Variants in POLR3A observed in about 807,000 individuals in gnomAD.
The protein encoded by POLR3A is DNA-directed RNA polymerase III subunit RPC1.
Under a neutral mutation model 152.8 loss-of-function variants are expected in POLR3A, and 112 were observed. The ratio of observed to expected loss-of-function variants is 0.73; its 90% CI spans 0.63 to 0.86. The LOEUF (loss-of-function observed/expected upper bound fraction) is 0.86. POLR3A is among the 40% of genes least tolerant of loss of function. The pLI is 0.00. For missense variants in POLR3A, 1,385 were observed against 1,743.1 expected (o/e 0.79, Z 3.66); for synonymous variants, 615 against 652.1 (o/e 0.94, Z 0.87).
chr10:78,009,659 G>A lies in POLR3A; in HGVS notation c.1787C>T (p.Thr596Met), dbSNP rs756953635. 1.5e-5 allele frequency: 24 copies of A among 1,613,958 alleles called. No individual in the cohort carries two copies. Among genetic ancestry groups the A allele is most frequent in the South Asian group, 3.3e-5 (3 of 91,084 alleles). The change falls in exon 14 of 31, where the codon ACG becomes ATG. Residue 596 changes from threonine to methionine, a missense_variant. Physicochemically the swap from Thr to Met is moderately conservative, Grantham distance 81 (BLOSUM62 -1). Transcript: ENST00000372371. ...PTILKPVTLW[T>M]GKQIFSVILR... ...GATGACACTGAAGATCTGCTTTCCCGTCCACAGGGTGACAGGCTGAGGGGG... is the reference window on the plus strand; with the variant it reads ...GATGACACTGAAGATCTGCTTTCCCATCCACAGGGTGACAGGCTGAGGGGG...
At chr10:78,026,386 T>A (rs1847635048) in intron 1 of POLR3A, among the ~76,000 whole-genome samples, 157 bp from the exon 2 acceptor site, 2 of 152,212 alleles carry the variant, frequency 1.3e-5, no homozygotes, top group African/African-American at 4.8e-5. Context: ...CATTTTTCCT[T>A]CACAAACATC....
Position 78,014,724 on chromosome 10 carries a change from T to A in POLR3A, c.1432-934A>T, listed in dbSNP as rs939382660. Among the ~76,000 whole-genome samples, 31 of 151,362 alleles carry A rather than the reference T, an allele frequency of 2.0e-4. 1 individual carries two copies. The highest frequency in any genetic ancestry group is 6.8e-3 in the Middle Eastern group (2 of 292). On this transcript the variant is annotated intron_variant, in intron 10 of 30. Coordinates refer to ENST00000372371, the MANE Select transcript of POLR3A (RefSeq NM_007055.4). ...GGCCCTTTCTTTAAAAAAAAAAAAATTTTTTTTCCTAAGCACACGAACACA... is the reference window on the plus strand; with the variant it reads ...GGCCCTTTCTTTAAAAAAAAAAAAAATTTTTTTCCTAAGCACACGAACACA...
At chr10:77,986,784 A>T (rs1267555136) in intron 21 of POLR3A, among the ~76,000 whole-genome samples, 2 of 152,200 alleles carry the variant, frequency 1.3e-5, no homozygotes, top group Non-Finnish European at 2.9e-5. Flanking sequence ...CCTGGAAACC[A>T]TTGTCAAAGC....
In POLR3A at chr10:77,977,513, C is replaced by T. The variant is rs143800893; in HGVS notation, c.4138G>A (p.Asp1380Asn). Residue 1380 changes from aspartate (D) to asparagine (N), a missense_variant, in exon 31 of 31, where the codon GAC (aspartate) becomes AAC (asparagine). Around this residue, in one of 7 missense-constraint regions of POLR3A, gnomAD observed 332 missense variants for 400.1 expected, o/e 0.83. Coordinates refer to ENST00000372371, the MANE Select transcript of POLR3A (RefSeq NM_007055.4). ...AGGGGGATGTGGAATTCATTTGTGTCGAAGATCAGGGGCCTCTTGGGAGGG... is the reference window on the plus strand; with the variant it reads ...AGGGGGATGTGGAATTCATTTGTGTTGAAGATCAGGGGCCTCTTGGGAGGG... ...PNPPKRPLIF[D>N]TNEFHIPLVT The T allele has an allele frequency of 8.6e-5, 139 of 1,614,060 alleles. No homozygotes were observed. Among genetic ancestry groups the T allele is most frequent in the Non-Finnish European group, 1.1e-4 (129 of 1,179,974 alleles).
At position 78,010,084 on chromosome 10, in the gene POLR3A, C is replaced by T. The variant is rs144955299; in HGVS notation, c.1643-93G>A. ...ATTTTAAAATAAATTTGAACCATGA[C>T]CAACAGCGTGAATTGAAACAAACAG... On this transcript the variant is annotated intron_variant, in intron 12 of 30. Transcript: ENST00000372371. 7.1e-4 allele frequency: 1,062 copies of T among 1,499,926 alleles called. 8 individuals carry two copies. The African/African-American group carries it at 0.012, about 17-fold the overall frequency. The allele number at this position is 1,499,926 out of a possible 1,614,324, so 92.9% of individuals were successfully genotyped here. A position where few individuals can be genotyped will look rare whatever the true frequency, so the allele number is the denominator to read the frequency against.
intron 26 of POLR3A, 147 bp from the exon 27 acceptor site, chr10:77,982,964 A>C: frequency 1.4e-6 from 1 of 711,458 alleles, no homozygotes. Flanking sequence ...AATATGCTAC[A>C]TATGTTTTAT....
Position 77,981,419 on chromosome 10 carries a change from C to T in POLR3A, c.3891+9G>A, listed in dbSNP as rs377678004. ...GCCCAGGCAGCCCGGGGGCCTCCTG[C>T]CCACATACCTTGTAGGTCATGAGGT... On this transcript the variant is annotated intron_variant, in intron 29 of 30. Coordinates refer to ENST00000372371, the MANE Select transcript of POLR3A (RefSeq NM_007055.4). The T allele has an allele frequency of 4.2e-5, 67 of 1,613,858 alleles. No individual in the cohort carries two copies. The African/African-American group carries it at 7.7e-4, about 19-fold the overall frequency.
rs530926278 is a variant in POLR3A at position 77,980,302 on chromosome 10, G to T, written c.3892-29C>A. ...CGTCAAGGGAGAAAGAGTCACGGTG[G>T]TACTCACACCAATGGCAAAAGCTCG... On this transcript the variant is annotated intron_variant, in intron 29 of 30. Transcript: ENST00000372371. The T allele has an allele frequency of 2.8e-4, 446 of 1,612,516 alleles. 5 individuals are homozygous for T. In the South Asian group the frequency reaches 4.6e-3, roughly 17 times the overall value.
chr10:78,012,437 A>C (rs917750969), intron 11 of POLR3A, among the ~76,000 whole-genome samples: 1 of 152,188 alleles, frequency 6.6e-6, no homozygotes, highest in Non-Finnish European at 1.5e-5. Context: ...TTAAAACCCC[A>C]AAATGATGCA....
chr10:77,980,921 GC>G (rs1163456393), intron 29 of POLR3A, among the ~76,000 whole-genome samples: 1 of 152,034 alleles, frequency 6.6e-6, no homozygotes, highest in African/African-American at 2.4e-5. Flanking sequence ...AAAACCTGCT[GC>G]CCTAAGGCAC....
chr10:77,995,340 G>T (rs1029258110), intron 19 of POLR3A, among the ~76,000 whole-genome samples: 6 of 152,180 alleles, frequency 3.9e-5, no homozygotes, highest in Admixed American at 1.3e-4. Flanking sequence ...TGGGCTAAAT[G>T]CTCCAATTAA....
intron 19 of POLR3A, among the ~76,000 whole-genome samples, chr10:77,998,001 T>C: frequency 6.6e-6 from 1 of 152,078 alleles, no homozygotes; most frequent in East Asian, 1.9e-4. Flanking sequence ...TAATGCCGCA[T>C]ATCTACAACT....
intron 30 of POLR3A, 39 bp from the exon 31 acceptor site, chr10:77,977,665 C>A (rs767717459): frequency 1.9e-6 from 3 of 1,570,208 alleles, no homozygotes; most frequent in Non-Finnish European, 2.6e-6. Flanking sequence ...AGCCTCTAAA[C>A]ACAAGGTACA....
At chr10:78,000,857 A>G (rs184636252) in intron 18 of POLR3A, 119 bp downstream of exon 18, 2 of 684,274 alleles carry the variant, frequency 2.9e-6, no homozygotes, top group Admixed American at 1.8e-5. Flanking sequence ...CAAAAAATAC[A>G]TATATAAAAC....
intron 19 of POLR3A, among the ~76,000 whole-genome samples, chr10:77,996,953 G>C (rs570357133): frequency 6.6e-6 from 1 of 152,238 alleles, no homozygotes; most frequent in South Asian, 2.1e-4. Context: ...ACATCAAAAA[G>C]CTTATCCACC....
rs1211433401 is a variant in POLR3A, at chr10:78,004,751, G to A, written c.2212C>T (p.Gln738Ter). The change falls in exon 16 of 31, where the codon CAG becomes TAG. Residue 738 changes from glutamine (Q) to a stop codon, truncating the protein, a stop_gained. Transcript: ENST00000372371. LOFTEE classifies it high-confidence loss of function. ...TCCTCAGCAGTGCAGCCAGGCTGCT[G>A]CTGCAGCTTGCCCGTGTTCAGGGCT... ...IEALNTGKLQ[Q>*]QPGCTAEETL... 7 of 1,613,936 alleles carry A rather than the reference G, an allele frequency of 4.3e-6. No homozygotes were observed. Among genetic ancestry groups the A allele is most frequent in the Non-Finnish European group, 5.9e-6 (7 of 1,179,910 alleles).
intron 11 of POLR3A, among the ~76,000 whole-genome samples, chr10:78,012,615 T>C (rs1847477213): frequency 6.6e-6 from 1 of 152,078 alleles, no homozygotes; most frequent in Non-Finnish European, 1.5e-5. Context: ...TACTCAGTAG[T>C]TGGGGATCAT....
chr10:78,017,885 T>C (rs1263863632), intron 9 of POLR3A, among the ~76,000 whole-genome samples, 169 bp from the exon 10 acceptor site: 1 of 152,092 alleles, frequency 6.6e-6, no homozygotes, highest in East Asian at 1.9e-4. Context: ...CCTATTAAAC[T>C]ATGACAGGGT....
chr10:78,025,931 G>C (rs375527025), intron 2 of POLR3A, among the ~76,000 whole-genome samples, 163 bp downstream of exon 2: 1 of 152,078 alleles, frequency 6.6e-6, no homozygotes, highest in Non-Finnish European at 1.5e-5. Flanking sequence ...ACTCAGAATC[G>C]AATCAGGTTG....
Sources: gnomAD v4.1 joint callset for allele counts (sites outside exome capture counted in the v4.1 genomes callset) on GRCh38, gnomAD v4.1.1 for gene constraint, gnomAD v4.1.1 regional missense constraint, MANE v1.5 for transcripts, NCBI Gene and HGNC (gene_info 2026-07-23, HGNC 2026-07-21) for gene names.